PPP1R16B: variants seen among roughly 807,000 people sequenced by gnomAD.
PPP1R16B encodes the protein protein phosphatase 1 regulatory inhibitor subunit 16B.
PPP1R16B carries 14 observed loss-of-function variants against 61.7 expected under a neutral mutation model. The ratio of observed to expected loss-of-function variants is 0.23; its 90% CI spans 0.15 to 0.35. PPP1R16B has a LOEUF of 0.35. PPP1R16B is among the 10% of genes least tolerant of loss of function. PPP1R16B has a pLI of 1.00. For missense variants in PPP1R16B, 547 were observed against 752.5 expected, an observed-to-expected ratio of 0.73 and a Z score of 3.19; for synonymous variants, 266 against 305.3, an observed-to-expected ratio of 0.87 and a Z score of 1.34.
At chr20:38,819,399 C>T (rs1370554278) in intron 1 of PPP1R16B, among the ~76,000 whole-genome samples, 2 of 151,982 alleles carry the variant, frequency 1.3e-5, no homozygotes, top group East Asian at 3.8e-4. Flanking sequence ...ATCCTGGCTG[C>T]TTAGGGAGGC....
intron 6 of PPP1R16B, among the ~76,000 whole-genome samples, chr20:38,905,548 T>A (rs1402690646): frequency 6.6e-6 from 1 of 152,214 alleles, no homozygotes; most frequent in Admixed American, 6.5e-5. Flanking sequence ...CACAATATCC[T>A]ACTTGTTAGA....
chr20:38,885,514 C>T (rs2085238290), intron 2 of PPP1R16B, among the ~76,000 whole-genome samples: 1 of 152,174 alleles, frequency 6.6e-6, no homozygotes, highest in Admixed American at 6.5e-5. Flanking sequence ...GGCAGAAATC[C>T]AGAAATGCTG....
intron 4 of PPP1R16B, among the ~76,000 whole-genome samples, chr20:38,896,697 C>G (rs1183186423): frequency 6.6e-6 from 1 of 152,100 alleles, no homozygotes; most frequent in African/African-American, 2.4e-5. Flanking sequence ...GCAGCCATTA[C>G]CACTCTCCAT....
At chr20:38,886,389 T>G (rs1294653987) in intron 2 of PPP1R16B, among the ~76,000 whole-genome samples, 1 of 152,216 alleles carries the variant, frequency 6.6e-6, no homozygotes, top group Non-Finnish European at 1.5e-5. Context: ...ACACTGCTTT[T>G]GGCAGCTGAT....
At chr20:38,913,019 G>A (rs1256109504) in intron 10 of PPP1R16B, among the ~76,000 whole-genome samples, 1 of 152,090 alleles carries the variant, frequency 6.6e-6, no homozygotes, top group South Asian at 2.1e-4. Flanking sequence ...ACAGGCACCC[G>A]CCACCATGCC....
intron 1 of PPP1R16B, among the ~76,000 whole-genome samples, chr20:38,821,938 G>A (rs925463101): frequency 1.3e-5 from 2 of 149,372 alleles, no homozygotes; most frequent in Non-Finnish European, 3.0e-5. Flanking sequence ...CATCCTAAAT[G>A]TTGTGAATGA....
At position 38,836,063 on chromosome 20, in the gene PPP1R16B, C is replaced by T. The variant is rs1438209821; in HGVS notation, c.138C>T (p.His46=). ...KWAQYEQDLQ[H]RKRKHERKRS... ...CACAGTACGAGCAGGACTTGCAGCA[C>T]CGCAAGCGAAAGCATGAGCGGAAGC... Residue 46 remains histidine (H), a synonymous_variant, in exon 2 of 11, where the codon CAC becomes CAT. Coordinates refer to ENST00000299824, the MANE Select transcript of PPP1R16B (RefSeq NM_015568.4). The T allele has an allele frequency of 6.2e-7, 1 of 1,611,130 alleles. No homozygotes were observed. Among genetic ancestry groups the T allele is most frequent in the South Asian group, 1.1e-5 (1 of 90,798 alleles).
intron 10 of PPP1R16B, among the ~76,000 whole-genome samples, chr20:38,916,861 A>G (rs1287163375): frequency 6.6e-6 from 1 of 151,814 alleles, no homozygotes; most frequent in Non-Finnish European, 1.5e-5. Context: ...CAAAAGTGAT[A>G]TTTTGTTGTT....
rs775798506 is a variant in PPP1R16B at position 38,836,128 on chromosome 20, C to T, written c.203C>T (p.Ala68Val). 1 of 1,612,362 alleles carries T rather than the reference C, an allele frequency of 6.2e-7. No homozygotes were observed. Among genetic ancestry groups the T allele is most frequent in the South Asian group, 1.1e-5 (1 of 91,056 alleles). The change falls in exon 2 of 11, where the codon GCC becomes GTC. Residue 68 changes from alanine to valine, a missense_variant. Transcript: ENST00000299824. ...GGRRKKVSFEASVALLEASLR... is the reference protein window; with the variant it reads ...GGRRKKVSFEVSVALLEASLR... Reference sequence around the variant, plus strand: ...CGCCGCAAGAAAGTGTCCTTCGAGGCCAGCGTGGCCCTGCTGGAGGCCTCG... The same window carrying T: ...CGCCGCAAGAAAGTGTCCTTCGAGGTCAGCGTGGCCCTGCTGGAGGCCTCG...
intron 10 of PPP1R16B, among the ~76,000 whole-genome samples, chr20:38,911,154 GT>G (rs1270803541): frequency 2.3e-5 from 3 of 131,440 alleles, no homozygotes; most frequent in African/African-American, 2.8e-5. Context: ...CCTCATTCTT[GT>G]TTTTTTTTTC....
intron 10 of PPP1R16B, among the ~76,000 whole-genome samples, chr20:38,910,072 G>C (rs1273259353): frequency 6.6e-6 from 1 of 151,526 alleles, no homozygotes; most frequent in Non-Finnish European, 1.5e-5. Context: ...CTGTGCTCCC[G>C]GGTTCAAGCG....
chr20:38,895,278 TACTTGCAAAGC>T (rs2085325511), intron 3 of PPP1R16B, among the ~76,000 whole-genome samples: 1 of 152,264 alleles, frequency 6.6e-6, no homozygotes, highest in Non-Finnish European at 1.5e-5. Flanking sequence ...ATTTCACTGA[TACTTGCAAAGC>T]ACTTTATAGC....
In PPP1R16B at chr20:38,879,655, G is replaced by T. The variant is rs144708268; in HGVS notation, c.251-9940G>T. ...ATAAGAAGACAGACACGAGTTGCCCGCATAGAGCTTATATCCTAAAGGGTG... is the reference window on the plus strand; with the variant it reads ...ATAAGAAGACAGACACGAGTTGCCCTCATAGAGCTTATATCCTAAAGGGTG... On this transcript the variant is annotated intron_variant, in intron 2 of 10. Transcript: ENST00000299824. Among the ~76,000 whole-genome samples, 132 of 152,282 alleles carry T rather than the reference G, an allele frequency of 8.7e-4. 1 individual carries two copies. The highest frequency in any genetic ancestry group is 1.3e-3 in the Non-Finnish European group (90 of 68,024).
At chr20:38,872,537 G>A (rs1372597851) in intron 2 of PPP1R16B, among the ~76,000 whole-genome samples, 1 of 152,190 alleles carries the variant, frequency 6.6e-6, no homozygotes, top group East Asian at 1.9e-4. Flanking sequence ...TTAAAGCGTA[G>A]ATTGTTAGAC....
intron 1 of PPP1R16B, among the ~76,000 whole-genome samples, chr20:38,823,088 AT>A (rs1299914604): frequency 6.6e-6 from 1 of 152,172 alleles, no homozygotes; most frequent in Non-Finnish European, 1.5e-5. Flanking sequence ...TTGGCTGGAG[AT>A]CAAAGAGGGG....
At chr20:38,878,046 T>G (rs1185153541) in intron 2 of PPP1R16B, among the ~76,000 whole-genome samples, 1 of 151,076 alleles carries the variant, frequency 6.6e-6, no homozygotes, top group Non-Finnish European at 1.5e-5. Context: ...GGTACATGTT[T>G]GGATGTCGGT....
chr20:38,875,431 C>G (rs1030138515), intron 2 of PPP1R16B, among the ~76,000 whole-genome samples: 2 of 152,226 alleles, frequency 1.3e-5, no homozygotes, highest in Non-Finnish European at 1.5e-5. Flanking sequence ...ATCTGGAAGT[C>G]ACAGGAGATT....
rs552196999 is a variant in PPP1R16B, at chr20:38,906,180, A to G, written c.822+86A>G. 15 of 1,464,356 alleles carry G rather than the reference A, an allele frequency of 1.0e-5. 1 individual carries two copies. The African/African-American group carries it at 1.8e-4, about 18-fold the overall frequency. 90.7% of individuals were successfully genotyped at this position (1,464,356 alleles called of 1,614,324 possible). ...GTTTTTTGGGCTGGCAGTTGTTTTC[A>G]AAGAACATAAGACTTTAAGGCTTAA... On this transcript the variant is annotated intron_variant, in intron 7 of 10. Transcript: ENST00000299824.
intron 2 of PPP1R16B, among the ~76,000 whole-genome samples, chr20:38,851,993 A>G (rs1215968436): frequency 6.6e-6 from 1 of 152,206 alleles, no homozygotes; most frequent in Admixed American, 6.5e-5. Context: ...CAATTGTGCC[A>G]CTGCACTCCA....
Sources: allele counts gnomAD v4.1 joint callset (sites outside exome capture counted in the v4.1 genomes callset), GRCh38; gene constraint gnomAD v4.1.1; transcripts MANE v1.5; gene names NCBI Gene and HGNC (gene_info 2026-07-23, HGNC 2026-07-21).